Variants in MON2 observed in about 807,000 individuals in gnomAD.
The protein encoded by MON2 is protein MON2 homolog.
In MON2, 84 loss-of-function variants were observed where a neutral mutation model predicts 208.6. The ratio of observed to expected loss-of-function variants is 0.40; its 90% CI spans 0.34 to 0.48. The LOEUF is 0.48. Among genes scored for constraint, MON2 ranks in the 20% least tolerant of loss-of-function variants. The pLI is 0.59. For missense variants in MON2, 1,611 were observed against 2,015.4 expected (o/e 0.80, Z 3.84); for synonymous variants, 660 against 694.0 (o/e 0.95, Z 0.77).
At position 62,526,052 on chromosome 12, in the gene MON2, C is replaced by T; in HGVS notation, c.1350C>T (p.Thr450=). ...TLLPAFEYRG[T]WIPILTITVQ... ...TACCAGCATTTGAATATAGGGGAAC[C>T]TGGATACCTATTCTGACAATCACAG... The change falls in exon 11 of 35, where the codon ACC becomes ACT. Residue 450 remains threonine (T), a synonymous_variant. Transcript: ENST00000393630. The T allele has an allele frequency of 1.2e-6, 2 of 1,613,792 alleles. No homozygotes were observed. The highest frequency in any genetic ancestry group is 1.7e-6 in the Non-Finnish European group (2 of 1,179,824).
intron 27 of MON2, 42 bp downstream of exon 27, chr12:62,565,422 G>A (rs780806871): frequency 4.6e-6 from 7 of 1,514,020 alleles, no homozygotes; most frequent in Non-Finnish European, 6.3e-6. Context: ...AGATTTCATG[G>A]CTTATAAATA....
intron 26 of MON2, among the ~76,000 whole-genome samples, chr12:62,562,858 C>T (rs1259859036): frequency 6.6e-6 from 1 of 152,126 alleles, no homozygotes; most frequent in African/African-American, 2.4e-5. Flanking sequence ...TCAGTCTTCT[C>T]TTTGTTCTCA....
At chr12:62,486,633 G>A (rs909157330) in intron 2 of MON2, among the ~76,000 whole-genome samples, 1 of 151,980 alleles carries the variant, frequency 6.6e-6, no homozygotes, top group Non-Finnish European at 1.5e-5. Context: ...TCAAAACAGA[G>A]TTTAAATTAG....
chr12:62,484,086 T>C (rs2069614094), intron 1 of MON2, 84 bp from the exon 2 acceptor site: 1 of 980,556 alleles, frequency 1.0e-6, no homozygotes, highest in Non-Finnish European at 1.6e-6. Flanking sequence ...TGCTTGATAT[T>C]TTGTCTATCA....
Position 62,598,347 on chromosome 12 carries a change from G to A in MON2, c.*5598G>A, listed in dbSNP as rs569905547. 6.6e-6 allele frequency: 1 copy of A among 152,232 alleles called. No homozygotes were observed. Among genetic ancestry groups the A allele is most frequent in the South Asian group, 2.1e-4 (1 of 4,822 alleles). The allele number at this position is 152,232 out of a possible 1,614,324, so 9.4% of individuals were successfully genotyped here. ...TAAAATTCAATAAACAGTGCAGCCA[G>A]GGAAGATCTGCTAAACCATGCCGTT... On this transcript the variant is annotated 3_prime_UTR_variant, in exon 35 of 35. Coordinates refer to ENST00000393630, the MANE Select transcript of MON2 (RefSeq NM_015026.3).
At chr12:62,562,326 TG>T (rs1411866748) in intron 26 of MON2, among the ~76,000 whole-genome samples, 2 of 151,340 alleles carry the variant, frequency 1.3e-5, no homozygotes, top group Non-Finnish European at 2.9e-5. Flanking sequence ...CAGAAAAAAA[TG>T]TAAGTTTTAT....
At chr12:62,480,787 T>G (rs1250329144) in intron 1 of MON2, among the ~76,000 whole-genome samples, 4 of 152,252 alleles carry the variant, frequency 2.6e-5, no homozygotes, top group African/African-American at 9.6e-5. Context: ...AAAGTCTGGA[T>G]AAATTACATC....
intron 11 of MON2, among the ~76,000 whole-genome samples, chr12:62,529,259 G>C (rs1019518433): frequency 2.6e-5 from 4 of 152,160 alleles, no homozygotes; most frequent in African/African-American, 7.2e-5. Context: ...GTGTCAGTCA[G>C]ACTTGATTTT....
At chr12:62,479,814 AAAC>A (rs2135982572) in intron 1 of MON2, among the ~76,000 whole-genome samples, 1 of 152,250 alleles carries the variant, frequency 6.6e-6, no homozygotes, top group Admixed American at 6.5e-5. Context: ...AATTAAGGAA[AAAC>A]AACAACAACC....
intron 11 of MON2, among the ~76,000 whole-genome samples, chr12:62,527,283 T>C (rs2072383796): frequency 6.6e-6 from 1 of 152,002 alleles, no homozygotes; most frequent in Non-Finnish European, 1.5e-5. Flanking sequence ...TGAAACAGAG[T>C]CTTCGGCTAG....
At chr12:62,586,800 T>A (rs10877883) in intron 33 of MON2, among the ~76,000 whole-genome samples, 61,154 of 151,930 alleles carry the variant, frequency 0.4, 12,973 homozygotes, top group African/African-American at 0.54. Context: ...ATAAAATATT[T>A]TTTGATTTCA....
In MON2 at chr12:62,544,915, C is replaced by G. The variant is rs2073414141; in HGVS notation, c.2484C>G (p.Asn828Lys). 6.2e-7 allele frequency: 1 copy of G among 1,607,270 alleles called. No homozygotes were observed. The highest frequency in any genetic ancestry group is 8.5e-7 in the Non-Finnish European group (1 of 1,177,194). The change falls in exon 21 of 35, where the codon AAC becomes AAG. Residue 828 changes from asparagine to lysine, a missense_variant. Physicochemically the swap from Asn to Lys is moderately conservative, Grantham distance 94. Transcript: ENST00000393630. Reference sequence around the variant, plus strand: ...ACCTTCAGGTCTGCCAGCATCCAAACTCTCGAATGAGAGAATGGGGAGCAG... The same window carrying G: ...ACCTTCAGGTCTGCCAGCATCCAAAGTCTCGAATGAGAGAATGGGGAGCAG... ...GHLLEVCQHP[N>K]SRMREWGAEA...
chr12:62,488,859 A>G lies in MON2; in HGVS notation c.175+4626A>G, dbSNP rs112070879. On this transcript the variant is annotated intron_variant, in intron 2 of 34. Coordinates refer to ENST00000393630, the MANE Select transcript of MON2 (RefSeq NM_015026.3). ...CTTTTTAAATGTTTTAAATTGCTGT[A>G]TGATAGGGGAGGGATAGCATTAGAA... Among the ~76,000 whole-genome samples the G allele has an allele frequency of 5.9e-5, 9 of 152,132 alleles. 1 individual carries two copies. Among genetic ancestry groups the G allele is most frequent in the African/African-American group, 1.7e-4 (7 of 41,534 alleles).
At chr12:62,528,606 T>G (rs186682964) in intron 11 of MON2, among the ~76,000 whole-genome samples, 297 of 152,354 alleles carry the variant, frequency 1.9e-3, no homozygotes, top group Middle Eastern at 6.8e-3. Context: ...ACCCTTTCTC[T>G]TAACTATTCT....
chr12:62,587,872 A>G (rs1278212711), intron 33 of MON2: 1 of 395,628 alleles, frequency 2.5e-6, no homozygotes, highest in Non-Finnish European at 4.5e-6. Flanking sequence ...AAGAATAACT[A>G]CAAATTTGAT....
intron 6 of MON2, 67 bp downstream of exon 6, chr12:62,500,947 A>T: frequency 2.2e-6 from 2 of 923,520 alleles, no homozygotes; most frequent in South Asian, 1.9e-5. Context: ...TTAGTTGGGG[A>T]TTTTATGTCT....
At chr12:62,592,488 T>A in intron 34 of MON2, 98 bp from the exon 35 acceptor site, 5 of 937,698 alleles carry the variant, frequency 5.3e-6, no homozygotes, top group Non-Finnish European at 7.5e-6. Flanking sequence ...TGTTTCAGAG[T>A]TTTTTCTTTA....
chr12:62,520,857 ATATAT>A (rs2071993458), intron 8 of MON2, among the ~76,000 whole-genome samples: 2 of 147,040 alleles, frequency 1.4e-5, no homozygotes, highest in African/African-American at 2.5e-5. Context: ...ATATATAATT[ATATAT>A]TATATAATAT....
chr12:62,578,509 A>T lies in MON2; in HGVS notation c.4575+4A>T. On this transcript the variant is annotated splice_donor_region_variant and intron_variant, in intron 31 of 34. Transcript: ENST00000393630. ...AAATGAAAATATTGATGTCGAGGTAAGGAGGCTATTTAAAATGTTTTCCTG... is the reference window on the plus strand; with the variant it reads ...AAATGAAAATATTGATGTCGAGGTATGGAGGCTATTTAAAATGTTTTCCTG... The T allele has an allele frequency of 6.7e-7, 1 of 1,494,844 alleles. No homozygotes were observed. The highest frequency in any genetic ancestry group is 9.1e-7 in the Non-Finnish European group (1 of 1,092,958). 92.6% of individuals were successfully genotyped at this position (1,494,844 alleles called of 1,614,324 possible). A position where few individuals can be genotyped will look rare whatever the true frequency, so the allele number is the denominator to read the frequency against.
Sources: allele counts gnomAD v4.1 joint callset (sites outside exome capture counted in the v4.1 genomes callset), GRCh38; gene constraint gnomAD v4.1.1; transcripts MANE v1.5; gene names NCBI Gene and HGNC (gene_info 2026-07-23, HGNC 2026-07-21).